Variants in ZC3H7B observed in about 807,000 individuals in gnomAD.
The protein encoded by ZC3H7B is zinc finger CCCH-type containing 7B, also known as zinc finger CCCH domain-containing protein 7B.
A neutral mutation model predicts 116.0 loss-of-function variants in ZC3H7B; 35 were observed. The ratio of observed to expected loss-of-function variants is 0.30; its 90% CI spans 0.23 to 0.40. The LOEUF is 0.40. Ranked by LOEUF, ZC3H7B falls within the 10% of genes least tolerant of loss-of-function variation. ZC3H7B has a pLI of 1.00. For missense variants in ZC3H7B, 1,011 were observed against 1,321.5 expected, an observed-to-expected ratio of 0.77 and a Z score of 3.64; for synonymous variants, 502 against 545.6, an observed-to-expected ratio of 0.92 and a Z score of 1.11.
In ZC3H7B at chr22:41,355,771, G is replaced by A. The variant is rs752076246; in HGVS notation, c.2183G>A (p.Arg728Gln). ...AKARHCWTKE[R>Q]RVLLVMSKAK... The stretch of plus-strand genomic sequence containing the variant: ...CTGTCCTGCAGCTGGACCAAGGAGC[G>A]GCGGGTCCTTCTGGTGATGTCCAAG... The change falls in exon 19 of 23, where the codon CGG (arginine) becomes CAG (glutamine). Residue 728 changes from arginine (R) to glutamine (Q), a missense_variant. Physicochemically the swap from Arg to Gln is conservative, Grantham distance 43. Around this residue, in one of 5 missense-constraint regions of ZC3H7B, gnomAD observed 406 missense variants for 590.2 expected, o/e 0.69. Transcript: ENST00000352645. 17 of 1,612,200 alleles carry A rather than the reference G, an allele frequency of 1.1e-5. No individual in the cohort carries two copies. The highest frequency in any genetic ancestry group is 4.4e-5 in the South Asian group (4 of 90,886).
chr22:41,308,769 C>A (rs2036079595), intron 1 of ZC3H7B, among the ~76,000 whole-genome samples: 1 of 152,190 alleles, frequency 6.6e-6, no homozygotes, highest in African/African-American at 2.4e-5. Flanking sequence ...ACCAGCCTCG[C>A]CTGCCCCTTG....
chr22:41,303,405 A>G (rs2035999753), intron 1 of ZC3H7B, among the ~76,000 whole-genome samples: 2 of 152,206 alleles, frequency 1.3e-5, no homozygotes. Flanking sequence ...TGGGGCTTAG[A>G]AGCTTGGTGG....
At chr22:41,356,254 G>T in intron 20 of ZC3H7B, 89 bp from the exon 21 acceptor site, 2 of 1,577,928 alleles carry the variant, frequency 1.3e-6, no homozygotes, top group South Asian at 1.2e-5. Flanking sequence ...GACTTGGGAC[G>T]CCCACGGCTC....
Position 41,357,816 on chromosome 22 carries a change from T to A in ZC3H7B, c.*387T>A, listed in dbSNP as rs2145947007. 7.5e-6 allele frequency: 2 copies of A among 268,140 alleles called. No homozygotes were observed. Among genetic ancestry groups the A allele is most frequent in the Non-Finnish European group, 7.2e-6 (1 of 138,018 alleles). The allele number at this position is 268,140 out of a possible 1,614,324, so 16.6% of individuals were successfully genotyped here. ...CTTGAATCTCCAGCAGGAGGGTCCT[T>A]CTCTCCCTGGCCCGTCCTCCTCCCA... On this transcript the variant is annotated 3_prime_UTR_variant, in exon 23 of 23. Transcript: ENST00000352645. This position sits in a 1 kb window ranked among gnomAD's most constrained non-coding sequence, Gnocchi z 5.4.
At chr22:41,326,588 T>C (rs1180681084) in intron 4 of ZC3H7B, among the ~76,000 whole-genome samples, 4 of 152,116 alleles carry the variant, frequency 2.6e-5, no homozygotes, top group African/African-American at 7.2e-5. Flanking sequence ...CTCAGCCTCC[T>C]GTTTCTTTGC....
intron 1 of ZC3H7B, among the ~76,000 whole-genome samples, chr22:41,307,949 C>G (rs182075969): frequency 1.3e-5 from 2 of 152,266 alleles, no homozygotes; most frequent in Admixed American, 1.3e-4. Flanking sequence ...TCCTAACTAC[C>G]ACCAACATTT....
At chr22:41,352,780 T>TA (rs1313450638) in intron 17 of ZC3H7B, among the ~76,000 whole-genome samples, 4 of 149,120 alleles carry the variant, frequency 2.7e-5, no homozygotes, top group Non-Finnish European at 3.0e-5. Context: ...AATAAATAAA[T>TA]AAAAAGTCTT....
At chr22:41,319,589 A>T (rs1327120891) in intron 1 of ZC3H7B, among the ~76,000 whole-genome samples, 1 of 148,404 alleles carries the variant, frequency 6.7e-6, no homozygotes, top group Admixed American at 6.7e-5. Flanking sequence ...AAAAAAAAAA[A>T]GGTCAAAGTG....
rs2036363720 is a variant in ZC3H7B, at chr22:41,330,109, TGG to T, written c.525+8_525+9del. On this transcript the variant is annotated splice_region_variant and intron_variant, in intron 6 of 22. Transcript: ENST00000352645. ...AGGCGTATAAGAGGCCCCAGGTAGGTGGGTTCGGGACCCTGGGAGGGTCGGTG... is the reference window on the plus strand; with the variant it reads ...AGGCGTATAAGAGGCCCCAGGTAGGTGTTCGGGACCCTGGGAGGGTCGGTG... 1 of 1,613,412 alleles carries T rather than the reference TGG, an allele frequency of 6.2e-7. No homozygotes were observed. The highest frequency in any genetic ancestry group is 8.5e-7 in the Non-Finnish European group (1 of 1,179,858).
rs1172619284 is a variant in ZC3H7B, at chr22:41,301,698, G to C, written c.-81G>C. The C allele has an allele frequency of 6.6e-6, 1 of 152,130 alleles. No homozygotes were observed. Among genetic ancestry groups the C allele is most frequent in the Non-Finnish European group, 1.5e-5 (1 of 68,006 alleles). 9.4% of individuals were successfully genotyped at this position (152,130 alleles called of 1,614,324 possible). ...TCTTATTATTACTAATAATAATAACGTAATCATACCTCTAGTCATAGCATA... is the reference window on the plus strand; with the variant it reads ...TCTTATTATTACTAATAATAATAACCTAATCATACCTCTAGTCATAGCATA... On this transcript the variant is annotated 5_prime_UTR_variant, in exon 1 of 23. Transcript: ENST00000352645.
At chr22:41,307,263 G>T (rs9611547) in intron 1 of ZC3H7B, among the ~76,000 whole-genome samples, 1 of 152,100 alleles carries the variant, frequency 6.6e-6, no homozygotes, top group Non-Finnish European at 1.5e-5. Context: ...GCATGAGCCC[G>T]TGCTGGGCCT....
Position 41,355,941 on chromosome 22 carries a change from G to T in ZC3H7B, c.2275-13G>T, listed in dbSNP as rs376661484. 4 of 1,597,216 alleles carry T rather than the reference G, an allele frequency of 2.5e-6. No homozygotes were observed. The African/African-American group carries it at 5.4e-5, about 21-fold the overall frequency. On this transcript the variant is annotated splice_polypyrimidine_tract_variant and intron_variant, in intron 19 of 22. Transcript: ENST00000352645. Reference sequence around the variant, plus strand: ...AGCGGGACTCAGAGGATCTCCCCACGCCCACCCCACAGCTCTGCATCCATG... The same window carrying T: ...AGCGGGACTCAGAGGATCTCCCCACTCCCACCCCACAGCTCTGCATCCATG...
Position 41,355,768 on chromosome 22 carries a change from A to AGCC in ZC3H7B, c.2182_2183insCGC (p.Glu727_Arg728insPro). 1 of 1,610,992 alleles carries AGCC rather than the reference A, an allele frequency of 6.2e-7. No individual in the cohort carries two copies. The highest frequency in any genetic ancestry group is 8.5e-7 in the Non-Finnish European group (1 of 1,178,618). Reference sequence around the variant, plus strand: ...GCTCTGTCCTGCAGCTGGACCAAGGAGCGGCGGGTCCTTCTGGTGATGTCC... The same window carrying AGCC: ...GCTCTGTCCTGCAGCTGGACCAAGGAGCCGCGGCGGGTCCTTCTGGTGATGTCC... On this transcript the variant is annotated inframe_insertion, in exon 19 of 23. Coordinates refer to ENST00000352645, the MANE Select transcript of ZC3H7B (RefSeq NM_017590.6).
At chr22:41,354,828 C>G (rs1192259452) in intron 17 of ZC3H7B, among the ~76,000 whole-genome samples, 1 of 152,176 alleles carries the variant, frequency 6.6e-6, no homozygotes, top group Non-Finnish European at 1.5e-5. Flanking sequence ...TAGAGACCAG[C>G]AAGGCCTTGC....
intron 5 of ZC3H7B, among the ~76,000 whole-genome samples, chr22:41,328,401 G>C (rs1302832491): frequency 6.6e-6 from 1 of 152,204 alleles, no homozygotes; most frequent in Non-Finnish European, 1.5e-5. Context: ...CCGAGCTCCT[G>C]CTCCATGCTG....
chr22:41,313,123 CT>C (rs777637760), intron 1 of ZC3H7B, among the ~76,000 whole-genome samples: 171 of 144,506 alleles, frequency 1.2e-3, no homozygotes, highest in East Asian at 1.2e-3. Context: ...TTGGGTCAGA[CT>C]TTTTTTTTTT....
chr22:41,346,132 G>A lies in ZC3H7B; in HGVS notation c.1589G>A (p.Gly530Glu), dbSNP rs1294691110. Residue 530 changes from glycine (G) to glutamate (E), a missense_variant, in exon 14 of 23, where the codon GGG becomes GAG. Physicochemically the swap from Gly to Glu is moderately conservative, Grantham distance 98. Around this residue, in one of 5 missense-constraint regions of ZC3H7B, gnomAD observed 179 missense variants for 178.5 expected, o/e 1.00. Transcript: ENST00000352645. The surrounding 1 kb of genome is among the most constrained non-coding windows in gnomAD (Gnocchi z 5.3). Reference sequence around the variant, plus strand: ...CGCGACCTGCTCTTCGACCCGCTGGGGGGTGTTAAGCGCGGCAGCCTCACC... The same window carrying A: ...CGCGACCTGCTCTTCGACCCGCTGGAGGGTGTTAAGCGCGGCAGCCTCACC... The part of the protein sequence containing the change: ...LNRDLLFDPL[G>E]GVKRGSLTIA... The A allele has an allele frequency of 6.2e-7, 1 of 1,613,482 alleles. No individual in the cohort carries two copies.
rs761090973 is a variant in ZC3H7B at position 41,357,417 on chromosome 22, C to T, written c.2922C>T (p.Thr974=). 1.2e-6 allele frequency: 2 copies of T among 1,612,876 alleles called. No homozygotes were observed. Among genetic ancestry groups the T allele is most frequent in the South Asian group, 2.2e-5 (2 of 91,070 alleles). The part of the protein sequence containing the change: ...PEAPAAAATA[T]TGE ...CCCCTGCTGCTGCTGCCACCGCCACCACTGGGGAGTAGGGCCAGGTGTTGG... is the reference window on the plus strand; with the variant it reads ...CCCCTGCTGCTGCTGCCACCGCCACTACTGGGGAGTAGGGCCAGGTGTTGG... Residue 974 remains threonine (T), a synonymous_variant, in exon 23 of 23, where the codon ACC becomes ACT. Coordinates refer to ENST00000352645, the MANE Select transcript of ZC3H7B (RefSeq NM_017590.6). This position sits in a 1 kb window ranked among gnomAD's most constrained non-coding sequence, Gnocchi z 5.4.
intron 1 of ZC3H7B, among the ~76,000 whole-genome samples, chr22:41,307,506 C>A (rs117716410): frequency 0.013 from 2,032 of 152,308 alleles, 22 homozygotes; most frequent in Non-Finnish European, 0.019. Flanking sequence ...AGCGCTTGTT[C>A]CCTTCAGAAA....
Sources: allele counts gnomAD v4.1 joint callset (sites outside exome capture counted in the v4.1 genomes callset), GRCh38; gene constraint gnomAD v4.1.1; regional missense constraint gnomAD v4.1.1; non-coding constraint Gnocchi (gnomAD v3.1); transcripts MANE v1.5; gene names NCBI Gene and HGNC (gene_info 2026-07-23, HGNC 2026-07-21).